Variants in NCAPH2 observed in about 807,000 individuals in gnomAD.
The protein encoded by NCAPH2 is non-SMC condensin II complex subunit H2.
A neutral mutation model predicts 88.6 loss-of-function variants in NCAPH2; 56 were observed. The ratio of observed to expected loss-of-function variants is 0.63; its 90% CI spans 0.51 to 0.79. NCAPH2 has a LOEUF of 0.79. Among genes scored for constraint, NCAPH2 ranks in the 30% least tolerant of loss-of-function variants. The pLI, the probability that NCAPH2 is intolerant of heterozygous loss-of-function variation, is 0.00. For synonymous variants in NCAPH2, 378 were observed against 313.6 expected, an observed-to-expected ratio of 1.21 and a Z score of -2.17; for missense variants, 794 against 792.0, an observed-to-expected ratio of 1.00 and a Z score of -0.03.
At chr22:50,519,078 T>A (rs1273275864) in intron 8 of NCAPH2, 112 bp from the exon 9 acceptor site, 1 of 1,085,968 alleles carries the variant, frequency 9.2e-7, no homozygotes, top group African/African-American at 1.6e-5. Flanking sequence ...ACCCGCCAAA[T>A]CCTCTGGGCT....
chr22:50,510,680 G>A (rs2068758315), intron 1 of NCAPH2, among the ~76,000 whole-genome samples: 1 of 151,972 alleles, frequency 6.6e-6, no homozygotes, highest in African/African-American at 2.4e-5. Context: ...AGCCAGCTCT[G>A]CCTCTTTCCA....
chr22:50,517,420 T>C lies in NCAPH2; in HGVS notation c.211-7T>C. ...CTGGGTCCTCACTGCCTGCATCTGG[T>C]CACCAGGTGGAATACCTCTACTCAC... On this transcript the variant is annotated splice_region_variant and splice_polypyrimidine_tract_variant and intron_variant, in intron 2 of 19. Transcript: ENST00000420993. 6.2e-7 allele frequency: 1 copy of C among 1,613,998 alleles called. No homozygotes were observed. The highest frequency in any genetic ancestry group is 8.5e-7 in the Non-Finnish European group (1 of 1,179,996).
chr22:50,520,651 T>C (rs2069060745), intron 9 of NCAPH2: 3 of 235,876 alleles, frequency 1.3e-5, no homozygotes, highest in South Asian at 1.4e-4. Context: ...CTCTGCCTCC[T>C]GGGTTCAAGC....
chr22:50,516,828 C>G (rs561450576), intron 2 of NCAPH2, among the ~76,000 whole-genome samples: 5 of 152,240 alleles, frequency 3.3e-5, no homozygotes, highest in Non-Finnish European at 5.9e-5. Context: ...GCCACCTGCA[C>G]CCACCTTCCC....
chr22:50,516,006 G>A (rs566370896), intron 1 of NCAPH2, among the ~76,000 whole-genome samples: 34 of 141,228 alleles, frequency 2.4e-4, no homozygotes, highest in Non-Finnish European at 2.9e-4. Context: ...GAGGCTGAGG[G>A]GAGCAGAGGA....
chr22:50,520,788 C>T (rs764832959), intron 9 of NCAPH2, 177 bp from the exon 10 acceptor site: 3 of 636,492 alleles, frequency 4.7e-6, no homozygotes, highest in South Asian at 4.1e-5. Flanking sequence ...GTCTCAAACT[C>T]TTGACCTCGG....
Position 50,523,486 on chromosome 22 carries a change from A to G in NCAPH2, c.*111A>G, listed in dbSNP as rs2069180251. ...GTTGCCATCTCATCTTCCCCCTAAA[A>G]ACCCTTTTATGTACACCTGCGCAGA... On this transcript the variant is annotated 3_prime_UTR_variant, in exon 20 of 20. Coordinates refer to ENST00000420993, the MANE Select transcript of NCAPH2 (RefSeq NM_152299.4). The G allele has an allele frequency of 1.3e-6, 2 of 1,534,588 alleles. No homozygotes were observed. The highest frequency in any genetic ancestry group is 1.8e-6 in the Non-Finnish European group (2 of 1,136,712).
At chr22:50,522,472 G>C (rs370462165) in intron 15 of NCAPH2, 29 bp from the exon 16 acceptor site, 2 of 1,613,562 alleles carry the variant, frequency 1.2e-6, no homozygotes, top group Admixed American at 1.7e-5. Context: ...AGCTGCCTGC[G>C]TGCTGTTCAC....
intron 10 of NCAPH2, 49 bp downstream of exon 10, chr22:50,521,085 C>T (rs925306243): frequency 3.1e-5 from 47 of 1,536,604 alleles, no homozygotes; most frequent in Admixed American, 5.9e-5. Flanking sequence ...TGGGCGGATT[C>T]GAGGACTGGC....
chr22:50,521,411 T>C (rs2069091338), intron 10 of NCAPH2, 132 bp from the exon 11 acceptor site: 2 of 928,264 alleles, frequency 2.2e-6, no homozygotes, highest in Non-Finnish European at 3.4e-6. Flanking sequence ...CACCCCCTAC[T>C]CCTCCTTTGG....
At chr22:50,513,854 TG>T (rs1330213476) in intron 1 of NCAPH2, among the ~76,000 whole-genome samples, 3 of 152,106 alleles carry the variant, frequency 2.0e-5, no homozygotes, top group African/African-American at 7.2e-5. Context: ...GTGGAGAGTT[TG>T]GGGGGCTTAG....
At chr22:50,517,544 C>T in intron 3 of NCAPH2, 33 bp from the exon 4 acceptor site, 1 of 1,614,044 alleles carries the variant, frequency 6.2e-7, no homozygotes, top group South Asian at 1.1e-5. Flanking sequence ...CCTGCAGCTC[C>T]TGGGATGCCC....
intron 8 of NCAPH2, 128 bp from the exon 9 acceptor site, chr22:50,519,062 C>T (rs1233332923): frequency 2.2e-6 from 2 of 910,762 alleles, no homozygotes; most frequent in East Asian, 2.7e-5. Flanking sequence ...GAGGATGGTG[C>T]AAGGCACCCG....
chr22:50,518,608 G>C (rs914682672), intron 7 of NCAPH2, 41 bp from the exon 8 acceptor site: 1 of 1,556,110 alleles, frequency 6.4e-7, no homozygotes, highest in Admixed American at 1.9e-5. Context: ...CCATCTTGGA[G>C]AGGGGCTGGG....
Position 50,518,232 on chromosome 22 carries a change from C to T in NCAPH2, c.600C>T (p.Ser200=), listed in dbSNP as rs764830899. 1 of 1,613,900 alleles carries T rather than the reference C, an allele frequency of 6.2e-7. No homozygotes were observed. The highest frequency in any genetic ancestry group is 1.1e-5 in the South Asian group (1 of 91,084). Residue 200 remains serine, a synonymous_variant, in exon 7 of 20, where the codon TCC becomes TCT. Transcript: ENST00000420993. ...GAFMLEPEGM[S]PMEPAGVSPM... ...TCATGTTGGAGCCAGAGGGCATGTCCCCCATGGAACCAGCGGGCGTTTCCC... is the reference window on the plus strand; with the variant it reads ...TCATGTTGGAGCCAGAGGGCATGTCTCCCATGGAACCAGCGGGCGTTTCCC...
At chr22:50,518,806 A>G in intron 8 of NCAPH2, 74 bp downstream of exon 8, 4 of 1,376,030 alleles carry the variant, frequency 2.9e-6, no homozygotes, top group Non-Finnish European at 4.0e-6. Flanking sequence ...CCCAGTGGAC[A>G]GGGCTCCAAG....
intron 2 of NCAPH2, 76 bp from the exon 3 acceptor site, chr22:50,517,351 A>G (rs569238129): frequency 1.2e-4 from 184 of 1,492,450 alleles, no homozygotes; most frequent in Non-Finnish European, 1.5e-4. Context: ...TCGTGGGGGC[A>G]CCGATGGATA....
At chr22:50,512,937 G>A (rs1305314776) in intron 1 of NCAPH2, among the ~76,000 whole-genome samples, 2 of 152,142 alleles carry the variant, frequency 1.3e-5, no homozygotes, top group African/African-American at 2.4e-5. Context: ...CAAGAACCAT[G>A]TTAAACTTTG....
In NCAPH2 at chr22:50,524,644, C is replaced by T. The variant is rs188267742; in HGVS notation, c.*1269C>T. 8.4e-4 allele frequency: 590 copies of T among 702,690 alleles called. 6 individuals are homozygous for T. The African/African-American group carries it at 9.3e-3, about 11-fold the overall frequency. 43.5% of individuals were successfully genotyped at this position (702,690 alleles called of 1,614,324 possible). A position where few individuals can be genotyped will look rare whatever the true frequency, so the allele number is the denominator to read the frequency against. Reference sequence around the variant, plus strand: ...CACTCCTGTCCTCTACCTGGGATCACCAGCCTGTCACCGCACCCTGCCCTG... The same window carrying T: ...CACTCCTGTCCTCTACCTGGGATCATCAGCCTGTCACCGCACCCTGCCCTG... On this transcript the variant is annotated 3_prime_UTR_variant, in exon 20 of 20. Coordinates refer to ENST00000420993, the MANE Select transcript of NCAPH2 (RefSeq NM_152299.4).
Sources: allele counts gnomAD v4.1 joint callset (sites outside exome capture counted in the v4.1 genomes callset), GRCh38; gene constraint gnomAD v4.1.1; transcripts MANE v1.5; gene names NCBI Gene and HGNC (gene_info 2026-07-23, HGNC 2026-07-21).